SH3RF3: variants seen among roughly 807,000 people sequenced by gnomAD.
The protein encoded by SH3RF3 is E3 ubiquitin-protein ligase SH3RF3.
A neutral mutation model predicts 66.3 loss-of-function variants in SH3RF3; 29 were observed. The observed-to-expected ratio is 0.44, with a 90% CI of 0.33 to 0.60. The LOEUF is 0.60. Among genes scored for constraint, SH3RF3 ranks in the 20% least tolerant of loss-of-function variants. The pLI is 0.04. For missense variants in SH3RF3, 1,194 were observed against 1,190.9 expected, an observed-to-expected ratio of 1.00 and a Z score of -0.04; for synonymous variants, 583 against 532.0, an observed-to-expected ratio of 1.10 and a Z score of -1.32.
At chr2:109,362,304 G>T (rs940425812) in intron 2 of SH3RF3, among the ~76,000 whole-genome samples, 2 of 152,060 alleles carry the variant, frequency 1.3e-5, no homozygotes, top group African/African-American at 4.8e-5. Context: ...AATTTCTCTT[G>T]AGAGTTTTTC....
At chr2:109,340,880 A>G (rs531412034) in intron 1 of SH3RF3, among the ~76,000 whole-genome samples, 1 of 152,126 alleles carries the variant, frequency 6.6e-6, no homozygotes, top group Non-Finnish European at 1.5e-5. Context: ...AGGCCACAAC[A>G]AAGTCTGGGA....
chr2:109,269,738 C>A (rs914255295), intron 1 of SH3RF3, among the ~76,000 whole-genome samples: 1 of 152,212 alleles, frequency 6.6e-6, no homozygotes, highest in South Asian at 2.1e-4. Flanking sequence ...GAGATCGTGC[C>A]ACTGCACTCC....
intron 3 of SH3RF3, among the ~76,000 whole-genome samples, chr2:109,372,289 A>G (rs1336048184): frequency 6.6e-6 from 1 of 152,186 alleles, no homozygotes. Context: ...CTGTGCAGAA[A>G]GCATCTTAAC....
intron 1 of SH3RF3, among the ~76,000 whole-genome samples, chr2:109,205,817 C>G (rs1678796639): frequency 6.6e-6 from 1 of 152,194 alleles, no homozygotes; most frequent in African/African-American, 2.4e-5. Context: ...GGGAAGCACA[C>G]TGTGTGTGTA....
At chr2:109,218,194 G>T (rs908356284) in intron 1 of SH3RF3, among the ~76,000 whole-genome samples, 2 of 151,828 alleles carry the variant, frequency 1.3e-5, no homozygotes, top group African/African-American at 4.8e-5. Flanking sequence ...AGTTTCTGAG[G>T]CACGTGACAA....
intron 4 of SH3RF3, among the ~76,000 whole-genome samples, chr2:109,413,269 A>G (rs907577994): frequency 1.3e-5 from 2 of 152,074 alleles, no homozygotes; most frequent in Admixed American, 6.5e-5. Flanking sequence ...TGCTTGCCAC[A>G]ATGCCCAGCT....
intron 4 of SH3RF3, among the ~76,000 whole-genome samples, chr2:109,410,660 A>G (rs10167617): frequency 0.57 from 86,257 of 152,166 alleles, 25,052 homozygotes; most frequent in African/African-American, 0.67. Context: ...ACTGCATGTC[A>G]GCCAGCTCCT....
chr2:109,231,632 A>G lies in SH3RF3; in HGVS notation c.573+101519A>G, dbSNP rs188412393. ...GTAGGCTGCTTCCCTCTGCTCTCAG[A>G]TGACATGTGGCTGAGGACTTCATAC... On this transcript the variant is annotated intron_variant, in intron 1 of 9. Transcript: ENST00000309415. Among the ~76,000 whole-genome samples, 410 of 152,312 alleles carry G rather than the reference A, an allele frequency of 2.7e-3. 4 individuals carry two copies. The highest frequency in any genetic ancestry group is 9.5e-3 in the African/African-American group (395 of 41,566).
At chr2:109,495,752 A>G (rs1468938495) in intron 9 of SH3RF3, among the ~76,000 whole-genome samples, 2 of 152,144 alleles carry the variant, frequency 1.3e-5, no homozygotes, top group Admixed American at 1.3e-4. Flanking sequence ...TCGGATTCCC[A>G]GAGTGCTGGG....
chr2:109,343,633 G>T (rs1488388242), intron 1 of SH3RF3, among the ~76,000 whole-genome samples: 1 of 152,066 alleles, frequency 6.6e-6, no homozygotes, highest in African/African-American at 2.4e-5. Flanking sequence ...TACCAGACTC[G>T]AGCCCAGCAG....
At chr2:109,462,373 TGTG>T (rs2104689470) in intron 8 of SH3RF3, among the ~76,000 whole-genome samples, 1 of 151,886 alleles carries the variant, frequency 6.6e-6, no homozygotes, top group East Asian at 1.9e-4. Flanking sequence ...TACCAAGAGG[TGTG>T]GTGGATTAAT....
intron 1 of SH3RF3, among the ~76,000 whole-genome samples, chr2:109,189,202 C>G (rs145953190): frequency 6.6e-6 from 1 of 151,860 alleles, no homozygotes; most frequent in African/African-American, 2.4e-5. Context: ...CTGATACCCC[C>G]GAGATAGAGG....
intron 1 of SH3RF3, among the ~76,000 whole-genome samples, chr2:109,291,076 G>T (rs757113431): frequency 2.6e-5 from 4 of 152,160 alleles, no homozygotes; most frequent in Non-Finnish European, 2.9e-5. Flanking sequence ...TAATCCCATA[G>T]CTTCCTTGAC....
At chr2:109,444,201 GA>G (rs1250230498) in intron 7 of SH3RF3, among the ~76,000 whole-genome samples, 1 of 152,200 alleles carries the variant, frequency 6.6e-6, no homozygotes, top group Non-Finnish European at 1.5e-5. Flanking sequence ...ATTTTGAGCT[GA>G]ATGAAATGAA....
chr2:109,464,779 G>C (rs1381554421), intron 8 of SH3RF3, among the ~76,000 whole-genome samples: 1 of 152,132 alleles, frequency 6.6e-6, no homozygotes, highest in East Asian at 1.9e-4. Flanking sequence ...ACACCAAAGT[G>C]GTACATGTGT....
chr2:109,148,498 G>A (rs1175101978), intron 1 of SH3RF3, among the ~76,000 whole-genome samples: 2 of 152,196 alleles, frequency 1.3e-5, no homozygotes, highest in Admixed American at 1.3e-4. Context: ...TGATACTTTG[G>A]AAGAATGAAA....
intron 7 of SH3RF3, among the ~76,000 whole-genome samples, chr2:109,447,059 C>A (rs552895240): frequency 2.6e-4 from 40 of 150,996 alleles, no homozygotes; most frequent in Non-Finnish European, 5.6e-4. Context: ...TGCGTGATTG[C>A]CTGACCTGCT....
chr2:109,473,477 A>G (rs753821875), intron 8 of SH3RF3, among the ~76,000 whole-genome samples: 16 of 152,338 alleles, frequency 1.1e-4, no homozygotes, highest in Non-Finnish European at 1.8e-4. Context: ...GATGTAAAAT[A>G]GCAGATATAG....
rs1395961730 is a variant in SH3RF3 at position 109,130,072 on chromosome 2, C to T, written c.532C>T (p.Leu178=). The change falls in exon 1 of 10, where the codon CTG becomes TTG. Residue 178 remains leucine (L), a synonymous_variant. Transcript: ENST00000309415. ...GGCCGCGGGCAGCACCGCCGGCAGT[C>T]TGCGGGAGCTGGCGACCAGCAGGAC... ...SAAAGSTAGS[L]RELATSRTAP... The T allele has an allele frequency of 7.3e-7, 1 of 1,367,092 alleles. No individual in the cohort carries two copies. Among genetic ancestry groups the T allele is most frequent in the Non-Finnish European group, 9.4e-7 (1 of 1,061,092 alleles). 84.7% of individuals were successfully genotyped at this position (1,367,092 alleles called of 1,614,324 possible).
Sources: gnomAD v4.1 joint callset for allele counts (sites outside exome capture counted in the v4.1 genomes callset) on GRCh38, gnomAD v4.1.1 for gene constraint, MANE v1.5 for transcripts, NCBI Gene and HGNC (gene_info 2026-07-23, HGNC 2026-07-21) for gene names.